Variants in DGKB observed in about 807,000 individuals in gnomAD.
DGKB encodes 90 kDa diacylglycerol kinase.
In DGKB, 67 loss-of-function variants were observed where a neutral mutation model predicts 114.3. The ratio of observed to expected loss-of-function variants is 0.59; its 90% CI spans 0.48 to 0.72. DGKB has a LOEUF of 0.72. Among genes scored for constraint, DGKB ranks in the 30% least tolerant of loss-of-function variants. DGKB has a pLI of 0.00. For missense variants in DGKB, 907 were observed against 975.2 expected (o/e 0.93, Z 0.93); for synonymous variants, 398 against 323.1 (o/e 1.23, Z -2.49).
rs1471843823 is a variant in DGKB, at chr7:14,929,011, T to G, written c.-188+45685A>C. On this transcript the variant is annotated intron_variant, in intron 1 of 4. Coordinates refer to the DGKB transcript ENST00000437998. ...ATTCTTTTTTATGGCTGAAAAGTAC[T>G]GCATTGTGTATACACACACACACAC... Among the ~76,000 whole-genome samples, 3 of 144,470 alleles carry G rather than the reference T, an allele frequency of 2.1e-5. No homozygotes were observed. The Admixed American group carries it at 2.1e-4, about 10-fold the overall frequency. 94.8% of individuals were successfully genotyped at this position (144,470 alleles called of 152,430 possible).
chr7:14,753,117 C>T (rs1006428608), intron 4 of DGKB, among the ~76,000 whole-genome samples: 2 of 152,068 alleles, frequency 1.3e-5, no homozygotes, highest in Non-Finnish European at 2.9e-5. Context: ...TTGTACTTTA[C>T]GTGTTGGACA....
intron 21 of DGKB, among the ~76,000 whole-genome samples, chr7:14,349,480 T>C (rs1158075971): frequency 2.0e-5 from 3 of 152,180 alleles, no homozygotes; most frequent in Non-Finnish European, 4.4e-5. Context: ...GCATTATGTG[T>C]GTTTCTATCA....
At chr7:14,313,331 C>T (rs566466304) in intron 23 of DGKB, among the ~76,000 whole-genome samples, 10 of 152,130 alleles carry the variant, frequency 6.6e-5, no homozygotes, top group South Asian at 2.1e-4. Context: ...ACGCAGAAGA[C>T]GGGTGATTTC....
At chr7:14,774,017 G>A (rs972395173) in intron 2 of DGKB, among the ~76,000 whole-genome samples, 4 of 150,684 alleles carry the variant, frequency 2.7e-5, no homozygotes, top group Non-Finnish European at 4.4e-5. Flanking sequence ...CAGCTGCCTT[G>A]GTTTTTGTTT....
At chr7:14,442,258 T>C (rs1224201413) in intron 21 of DGKB, among the ~76,000 whole-genome samples, 2 of 151,992 alleles carry the variant, frequency 1.3e-5, no homozygotes, top group East Asian at 1.9e-4. Flanking sequence ...GTTTTGTAAA[T>C]AGCATTTCTC....
In DGKB at chr7:14,457,978, T is replaced by C. The variant is rs557100625; in HGVS notation, c.1835+20183A>G. On this transcript the variant is annotated intron_variant, in intron 21 of 25. Coordinates refer to ENST00000402815, the MANE Select transcript of DGKB (RefSeq NM_001350709.2). ...AAGGACTCATCCAGTGTTCTCTGGA[T>C]TGCGGGAAGTGCGGCAAGGCTGAGT... Among the ~76,000 whole-genome samples, 46 of 152,352 alleles carry C rather than the reference T, an allele frequency of 3.0e-4. No individual in the cohort carries two copies. The South Asian group carries it at 9.3e-3, about 31-fold the overall frequency.
At position 14,409,584 on chromosome 7, in the gene DGKB, G is replaced by A. The variant is rs866263356; in HGVS notation, c.1836-64193C>T. On this transcript the variant is annotated intron_variant, in intron 21 of 25. Transcript: ENST00000402815. ...TAGCCGGGCGCTGTGGCGGGCGCCT[G>A]TAGTCCCAGCTACTCGGGAGGCTGA... Among the ~76,000 whole-genome samples the A allele has an allele frequency of 2.9e-4, 15 of 51,458 alleles. 7 individuals are homozygous for A. Among genetic ancestry groups the A allele is most frequent in the African/African-American group, 8.2e-4 (15 of 18,270 alleles). The allele number at this position is 51,458 out of a possible 152,430, so 33.8% of individuals were successfully genotyped here. A position where few individuals can be genotyped will look rare whatever the true frequency, so the allele number is the denominator to read the frequency against.
At chr7:14,523,408 C>T (rs1790104990) in intron 20 of DGKB, among the ~76,000 whole-genome samples, 1 of 152,108 alleles carries the variant, frequency 6.6e-6, no homozygotes, top group Admixed American at 6.6e-5. Context: ...CCCTCAGGTG[C>T]AGCCTTCTTA....
chr7:14,791,761 C>T (rs1840695124), intron 2 of DGKB, among the ~76,000 whole-genome samples: 1 of 152,144 alleles, frequency 6.6e-6, no homozygotes, highest in South Asian at 2.1e-4. Context: ...AACCTCATAT[C>T]CCTGCACTAA....
intron 1 of DGKB, among the ~76,000 whole-genome samples, chr7:14,964,410 G>C (rs1402510897): frequency 6.6e-6 from 1 of 152,136 alleles, no homozygotes; most frequent in African/African-American, 2.4e-5. Flanking sequence ...TGAGGTGGGA[G>C]AATCACATGA....
At chr7:14,927,719 C>T (rs556934902) in intron 1 of DGKB, among the ~76,000 whole-genome samples, 50 of 151,898 alleles carry the variant, frequency 3.3e-4, no homozygotes, top group Non-Finnish European at 5.0e-4. Flanking sequence ...TATCTATGTT[C>T]ATAGAAAAAT....
chr7:14,622,285 G>C (rs572671992), intron 14 of DGKB, among the ~76,000 whole-genome samples: 1 of 151,774 alleles, frequency 6.6e-6, no homozygotes, highest in African/African-American at 2.4e-5. Context: ...TCACAACTTC[G>C]CCCTCATAGT....
intron 2 of DGKB, among the ~76,000 whole-genome samples, chr7:14,833,982 C>G (rs10215557): frequency 1.3e-5 from 2 of 152,122 alleles, no homozygotes; most frequent in African/African-American, 4.8e-5. Context: ...TCTGTCTCTC[C>G]GAACAGGCTG....
At chr7:14,690,831 T>C (rs747310707) in intron 9 of DGKB, among the ~76,000 whole-genome samples, 1 of 152,254 alleles carries the variant, frequency 6.6e-6, no homozygotes, top group Non-Finnish European at 1.5e-5. Context: ...AATTCTCCAA[T>C]GAGATGAATT....
chr7:14,947,130 A>T (rs57545022), intron 1 of DGKB, among the ~76,000 whole-genome samples: 6,019 of 151,678 alleles, frequency 0.04, 346 homozygotes, highest in African/African-American at 0.13. Context: ...TTACTAGGAA[A>T]GCAAAATTCT....
chr7:14,860,240 CACTT>C (rs1280872544), intron 1 of DGKB, among the ~76,000 whole-genome samples: 1 of 151,976 alleles, frequency 6.6e-6, no homozygotes, highest in Non-Finnish European at 1.5e-5. Flanking sequence ...GAGCATAAAT[CACTT>C]ACTTAAAAAT....
chr7:14,201,511 C>A (rs890189893), intron 23 of DGKB, among the ~76,000 whole-genome samples: 5 of 151,940 alleles, frequency 3.3e-5, no homozygotes, highest in African/African-American at 1.2e-4. Context: ...GGAGGTAGAA[C>A]TGACAGCATT....
intron 17 of DGKB, among the ~76,000 whole-genome samples, chr7:14,592,165 G>A (rs1801814036): frequency 6.6e-6 from 1 of 151,738 alleles, no homozygotes; most frequent in East Asian, 1.9e-4. Context: ...AAATCAGTGT[G>A]AGAGTCATAA....
intron 21 of DGKB, among the ~76,000 whole-genome samples, chr7:14,452,277 G>A (rs550665267): frequency 6.6e-5 from 10 of 151,908 alleles, no homozygotes; most frequent in South Asian, 4.1e-4. Flanking sequence ...ATAATAATAC[G>A]GATCAATAGG....
Sources: gnomAD v4.1 joint callset for allele counts (sites outside exome capture counted in the v4.1 genomes callset) on GRCh38, gnomAD v4.1.1 for gene constraint, MANE v1.5 for transcripts, NCBI Gene and HGNC (gene_info 2026-07-23, HGNC 2026-07-21) for gene names.